Variants in NTM observed in about 807,000 individuals in gnomAD.
The protein encoded by NTM is IgLON family member 2.
Under a neutral mutation model 42.1 loss-of-function variants are expected in NTM, and 13 were observed. That is an observed-to-expected ratio of 0.31 (90% CI 0.20 to 0.49). NTM has a LOEUF of 0.49. NTM is among the 20% of genes least tolerant of loss of function. NTM has a pLI of 0.99. For missense variants in NTM, 373 were observed against 452.8 expected (o/e 0.82, Z 1.60); for synonymous variants, 187 against 179.2 (o/e 1.04, Z -0.35).
chr11:131,382,630 A>C (rs1297048554), intron 1 of NTM, among the ~76,000 whole-genome samples: 2 of 152,212 alleles, frequency 1.3e-5, no homozygotes, highest in African/African-American at 4.8e-5. Flanking sequence ...GTAAAAGTGT[A>C]TGATCCACTT....
At chr11:132,063,921 C>G (rs2136060108) in intron 2 of NTM, among the ~76,000 whole-genome samples, 1 of 152,300 alleles carries the variant, frequency 6.6e-6, no homozygotes, top group East Asian at 1.9e-4. Context: ...GAGTCAGAAT[C>G]TGTTAAAACA....
intron 3 of NTM, among the ~76,000 whole-genome samples, chr11:132,158,463 C>A (rs2137556568): frequency 6.6e-6 from 1 of 152,340 alleles, no homozygotes. Context: ...AAGTAACTCA[C>A]CTATTGGCAT....
At chr11:131,451,078 C>T (rs1260204803) in intron 1 of NTM, among the ~76,000 whole-genome samples, 2 of 151,834 alleles carry the variant, frequency 1.3e-5, no homozygotes, top group Non-Finnish European at 2.9e-5. Flanking sequence ...GTCCTGGGTG[C>T]TTTAAATGGA....
intron 2 of NTM, among the ~76,000 whole-genome samples, chr11:132,091,244 A>G (rs761163086): frequency 6.6e-6 from 1 of 151,840 alleles, no homozygotes; most frequent in Non-Finnish European, 1.5e-5. Context: ...ACATACACAC[A>G]TACAAAAAAA....
chr11:132,248,403 TTTC>T (rs201856357), intron 4 of NTM, among the ~76,000 whole-genome samples: 6 of 147,500 alleles, frequency 4.1e-5, no homozygotes, highest in South Asian at 4.6e-4. Context: ...AGGTTTTTTT[TTTC>T]TCTTTCTTCT....
In NTM at chr11:131,543,622, A is replaced by T. The variant is rs140476643; in HGVS notation, c.82+172734A>T. On this transcript the variant is annotated intron_variant, in intron 1 of 8. Coordinates refer to ENST00000683400, the MANE Select transcript of NTM (RefSeq NM_001352005.2). ...TGGAGGCTGCCCAAAGCCTGCTAGC[A>T]GCTCCCACATGAGCTGGGGAGAGGC... Among the ~76,000 whole-genome samples, 24 of 152,306 alleles carry T rather than the reference A, an allele frequency of 1.6e-4. No individual in the cohort carries two copies. In the East Asian group the frequency reaches 4.4e-3, roughly 28 times the overall value.
At chr11:132,071,081 C>T (rs547623326) in intron 2 of NTM, among the ~76,000 whole-genome samples, 34 of 142,184 alleles carry the variant, frequency 2.4e-4, no homozygotes, top group African/African-American at 7.9e-4. Context: ...TTAGTTAACA[C>T]GTCACACAGC....
At chr11:131,478,204 C>T (rs1953163818) in intron 1 of NTM, among the ~76,000 whole-genome samples, 1 of 152,162 alleles carries the variant, frequency 6.6e-6, no homozygotes, top group African/African-American at 2.4e-5. Context: ...CTTACAGTTT[C>T]CTTCATGGAA....
chr11:131,711,898 C>T (rs1407361790), intron 1 of NTM, among the ~76,000 whole-genome samples: 85 of 145,558 alleles, frequency 5.8e-4, no homozygotes, highest in East Asian at 1.0e-3. Context: ...AACCAAACAC[C>T]GCATGTTCTC....
chr11:131,737,135 C>T (rs2080567396), intron 1 of NTM, among the ~76,000 whole-genome samples: 1 of 152,184 alleles, frequency 6.6e-6, no homozygotes, highest in African/African-American at 2.4e-5. Context: ...TTACTGGGTT[C>T]TGATGGATCT....
chr11:131,874,030 AATATATATATATATATATAT>A (rs59083400), intron 1 of NTM, among the ~76,000 whole-genome samples: 28 of 76,636 alleles, frequency 3.7e-4, no homozygotes, highest in African/African-American at 8.2e-4. Context: ...AATATAATAT[AATATATATATATATATATAT>A]ATATATATAT....
intron 1 of NTM, among the ~76,000 whole-genome samples, chr11:131,424,590 C>A (rs927666066): frequency 9.7e-5 from 5 of 51,640 alleles, no homozygotes; most frequent in South Asian, 6.1e-4. Flanking sequence ...TTTTTTATTT[C>A]TTTTCTTTTC....
At chr11:131,694,769 G>A (rs999181773) in intron 1 of NTM, among the ~76,000 whole-genome samples, 2 of 152,206 alleles carry the variant, frequency 1.3e-5, no homozygotes, top group Non-Finnish European at 2.9e-5. Context: ...GAGCTTTGCG[G>A]AAGGGCATAA....
At chr11:132,148,754 G>A (rs1322383563) in intron 3 of NTM, among the ~76,000 whole-genome samples, 2 of 152,164 alleles carry the variant, frequency 1.3e-5, no homozygotes, top group Non-Finnish European at 2.9e-5. Flanking sequence ...GCTAGAATTA[G>A]AGCCAGGTGA....
At chr11:132,056,162 GTTTATT>G (rs1281197598) in intron 2 of NTM, among the ~76,000 whole-genome samples, 2 of 152,194 alleles carry the variant, frequency 1.3e-5, no homozygotes, top group Non-Finnish European at 1.5e-5. Context: ...AATTAAAAGT[GTTTATT>G]TTTATTCAGT....
intron 1 of NTM, among the ~76,000 whole-genome samples, chr11:131,400,979 CCA>C (rs56256717): frequency 0.02 from 2,773 of 141,646 alleles, 84 homozygotes; most frequent in African/African-American, 0.066. Context: ...CTGCCACCTG[CCA>C]CACACACACA....
At chr11:131,741,753 T>G (rs1417640125) in intron 1 of NTM, among the ~76,000 whole-genome samples, 2 of 152,246 alleles carry the variant, frequency 1.3e-5, no homozygotes, top group African/African-American at 2.4e-5. Context: ...TGTCATAGAC[T>G]GTATAAACTC....
chr11:132,255,768 G>A (rs2092418795), intron 4 of NTM, among the ~76,000 whole-genome samples: 2 of 152,042 alleles, frequency 1.3e-5, no homozygotes. Context: ...TGCTTTCCAT[G>A]CAGCTCTGCC....
chr11:132,312,733 A>T (rs1251160791), intron 6 of NTM: 1 of 154,966 alleles, frequency 6.5e-6, no homozygotes, highest in Non-Finnish European at 1.5e-5. Context: ...GAATGGTGTC[A>T]AAACGGCCAG....
Sources: gnomAD v4.1 joint callset for allele counts (sites outside exome capture counted in the v4.1 genomes callset) on GRCh38, gnomAD v4.1.1 for gene constraint, MANE v1.5 for transcripts, NCBI Gene and HGNC (gene_info 2026-07-23, HGNC 2026-07-21) for gene names.